Variants in NCAM2 observed in about 807,000 individuals in gnomAD.
NCAM2 encodes neural cell adhesion molecule 2, also known as N-CAM-2.
In NCAM2, 30 loss-of-function variants were observed where a neutral mutation model predicts 98.1. The ratio of observed to expected loss-of-function variants is 0.31; its 90% CI spans 0.23 to 0.41. NCAM2 has a LOEUF of 0.41. Ranked by LOEUF, NCAM2 falls within the 10% of genes least tolerant of loss-of-function variation. NCAM2 has a pLI of 1.00. For synonymous variants in NCAM2, 368 were observed against 342.4 expected (o/e 1.07, Z -0.83); for missense variants, 867 against 1,005.8 (o/e 0.86, Z 1.87).
intron 12 of NCAM2, among the ~76,000 whole-genome samples, chr21:21,453,195 G>T (rs1981594585): frequency 6.8e-6 from 1 of 147,334 alleles, no homozygotes; most frequent in South Asian, 2.1e-4. Context: ...ATGATATAAA[G>T]TATGAAGAAA....
chr21:21,101,771 T>A (rs2066245766), intron 1 of NCAM2, among the ~76,000 whole-genome samples: 1 of 152,042 alleles, frequency 6.6e-6, no homozygotes, highest in Admixed American at 6.6e-5. Flanking sequence ...TTAAGACCTA[T>A]ACACAAAAAA....
intron 1 of NCAM2, among the ~76,000 whole-genome samples, chr21:21,236,696 A>G (rs1204545345): frequency 6.6e-6 from 1 of 152,000 alleles, no homozygotes; most frequent in Non-Finnish European, 1.5e-5. Flanking sequence ...TTAGATACCC[A>G]TTAGGTAACT....
intron 1 of NCAM2, among the ~76,000 whole-genome samples, chr21:21,060,476 A>G (rs1490961660): frequency 2.0e-5 from 3 of 152,138 alleles, no homozygotes; most frequent in East Asian, 1.9e-4. Flanking sequence ...TTCTTTCCAT[A>G]TATTTAAAAT....
intron 10 of NCAM2, among the ~76,000 whole-genome samples, chr21:21,413,160 C>T (rs1376472911): frequency 6.6e-6 from 1 of 151,914 alleles, no homozygotes; most frequent in Non-Finnish European, 1.5e-5. Context: ...TTTAACTGAC[C>T]ACATCCTGAG....
At chr21:21,331,699 C>T (rs1259028917) in intron 6 of NCAM2, among the ~76,000 whole-genome samples, 3 of 141,392 alleles carry the variant, frequency 2.1e-5, no homozygotes, top group East Asian at 4.2e-4. Flanking sequence ...AGGCAATTCT[C>T]CTGCCTCAGC....
intron 8 of NCAM2, among the ~76,000 whole-genome samples, chr21:21,346,677 CCT>C (rs2075198397): frequency 1.3e-5 from 2 of 151,964 alleles, no homozygotes; most frequent in African/African-American, 4.8e-5. Flanking sequence ...TATCAAGCAT[CCT>C]CTCTGACCAC....
At chr21:21,444,433 T>G (rs1979779063) in intron 12 of NCAM2, among the ~76,000 whole-genome samples, 1 of 152,050 alleles carries the variant, frequency 6.6e-6, no homozygotes, top group Non-Finnish European at 1.5e-5. Flanking sequence ...GTAACTCTGG[T>G]AGAATTTGGC....
intron 1 of NCAM2, among the ~76,000 whole-genome samples, chr21:21,279,855 G>A (rs1187713228): frequency 6.6e-6 from 1 of 152,196 alleles, no homozygotes; most frequent in Admixed American, 6.5e-5. Context: ...GCACGTGGAA[G>A]GTGAGACGGA....
At chr21:21,032,759 T>C (rs565195449) in intron 1 of NCAM2, among the ~76,000 whole-genome samples, 2 of 152,274 alleles carry the variant, frequency 1.3e-5, no homozygotes, top group Non-Finnish European at 2.9e-5. Context: ...AATTATCTTA[T>C]TTGTTAAGGT....
intron 2 of NCAM2, among the ~76,000 whole-genome samples, chr21:21,282,519 A>C (rs1318533298): frequency 6.6e-6 from 1 of 151,782 alleles, no homozygotes; most frequent in Non-Finnish European, 1.5e-5. Flanking sequence ...GATTCTAAAA[A>C]TAAAGATATT....
intron 12 of NCAM2, among the ~76,000 whole-genome samples, chr21:21,450,809 C>CGTATGT (rs879553453): frequency 0.13 from 20,153 of 151,070 alleles, 1,386 homozygotes; most frequent in Middle Eastern, 0.14. Flanking sequence ...CACACACACA[C>CGTATGT]ACACACACAC....
chr21:21,502,113 A>T (rs925543957), intron 15 of NCAM2, among the ~76,000 whole-genome samples: 3 of 151,956 alleles, frequency 2.0e-5, no homozygotes, highest in Non-Finnish European at 2.9e-5. Flanking sequence ...CAACATTTTG[A>T]CACTTTATAT....
chr21:21,103,858 A>C (rs982855543), intron 1 of NCAM2, among the ~76,000 whole-genome samples: 1 of 152,136 alleles, frequency 6.6e-6, no homozygotes, highest in African/African-American at 2.4e-5. Flanking sequence ...TTATCGATAC[A>C]TCTTGATGAG....
chr21:21,242,629 C>T (rs1244847483), intron 1 of NCAM2, among the ~76,000 whole-genome samples: 1 of 152,124 alleles, frequency 6.6e-6, no homozygotes, highest in Non-Finnish European at 1.5e-5. Flanking sequence ...ATTATGGCCT[C>T]TAGCTTTATC....
rs2076378523 is a variant in NCAM2 at position 21,391,455 on chromosome 21, A to G, written c.1195+17442A>G. On this transcript the variant is annotated intron_variant, in intron 9 of 17. Transcript: ENST00000400546. The stretch of plus-strand genomic sequence containing the variant: ...ACTCTTTGAAAGGTAACATCATCAC[A>G]GTATTTTGAAGTAGAACCTAAGGAG... Among the ~76,000 whole-genome samples, 4 of 152,320 alleles carry G rather than the reference A, an allele frequency of 2.6e-5. No homozygotes were observed. In the South Asian group the frequency reaches 8.3e-4, roughly 32 times the overall value.
rs527264094 is a variant in NCAM2 at position 21,540,115 on chromosome 21, A to G, written c.*2158A>G. 6.6e-5 allele frequency: 10 copies of G among 152,216 alleles called. No homozygotes were observed. Among genetic ancestry groups the G allele is most frequent in the African/African-American group, 2.4e-4 (10 of 41,562 alleles). 9.4% of individuals were successfully genotyped at this position (152,216 alleles called of 1,614,324 possible). A position where few individuals can be genotyped will look rare whatever the true frequency, so the allele number is the denominator to read the frequency against. ...ACTGAGAAAGTCATTTCGCATGTTT[A>G]CTATTGTTATATTCGTGCTTTACTT... is the stretch of plus-strand genomic sequence containing the variant. On this transcript the variant is annotated 3_prime_UTR_variant, in exon 18 of 18. Coordinates refer to ENST00000400546, the MANE Select transcript of NCAM2 (RefSeq NM_004540.5).
intron 9 of NCAM2, among the ~76,000 whole-genome samples, chr21:21,389,464 T>C (rs2076335505): frequency 6.6e-6 from 1 of 152,230 alleles, no homozygotes; most frequent in South Asian, 2.1e-4. Flanking sequence ...ATAGCTATTT[T>C]GACATATACA....
chr21:21,520,129 A>G (rs922277663), intron 16 of NCAM2, among the ~76,000 whole-genome samples: 9 of 152,102 alleles, frequency 5.9e-5, no homozygotes, highest in African/African-American at 1.9e-4. Context: ...ACTCAAGCAT[A>G]ATTTACTAAG....
intron 1 of NCAM2, among the ~76,000 whole-genome samples, chr21:21,083,957 T>C (rs1435521520): frequency 6.6e-6 from 1 of 152,208 alleles, no homozygotes; most frequent in East Asian, 1.9e-4. Flanking sequence ...GATGGTGTCT[T>C]AGGCCATTAG....
Sources: gnomAD v4.1 joint callset for allele counts (sites outside exome capture counted in the v4.1 genomes callset) on GRCh38, gnomAD v4.1.1 for gene constraint, MANE v1.5 for transcripts, NCBI Gene and HGNC (gene_info 2026-07-23, HGNC 2026-07-21) for gene names.